SCN9A: variants seen among roughly 807,000 people sequenced by gnomAD.
SCN9A encodes sodium voltage-gated channel alpha subunit 9, also known as sodium channel protein type 9 subunit alpha.
A neutral mutation model predicts 187.0 loss-of-function variants in SCN9A; 131 were observed. The ratio of observed to expected loss-of-function variants is 0.70; its 90% CI spans 0.61 to 0.81. SCN9A has a LOEUF of 0.81. Ranked by LOEUF, SCN9A falls within the 30% of genes least tolerant of loss-of-function variation. SCN9A has a pLI of 0.00. For synonymous variants in SCN9A, 809 were observed against 808.6 expected, an observed-to-expected ratio of 1.00 and a Z score of -0.01; for missense variants, 2,252 against 2,396.6, an observed-to-expected ratio of 0.94 and a Z score of 1.26.
chr2:166,256,228 A>C (rs1696268392), intron 17 of SCN9A, among the ~76,000 whole-genome samples: 1 of 151,370 alleles, frequency 6.6e-6, no homozygotes, highest in African/African-American at 2.4e-5. Context: ...GAGTTTTTAA[A>C]ATTGGAGGTC....
chr2:166,252,614 C>T (rs544197591), intron 17 of SCN9A, among the ~76,000 whole-genome samples: 1 of 151,678 alleles, frequency 6.6e-6, no homozygotes, highest in African/African-American at 2.4e-5. Context: ...AAGTAAGCAC[C>T]ACATGCAAAC....
intron 24 of SCN9A, among the ~76,000 whole-genome samples, chr2:166,207,428 T>TTGTTGTTG (rs1693861894): frequency 6.7e-6 from 1 of 150,058 alleles, no homozygotes; most frequent in African/African-American, 2.5e-5. Context: ...TTAGAGTGTT[T>TTGTTGTTG]TTGTTGTTGT....
chr2:166,265,114 G>A (rs1183725476), intron 17 of SCN9A, among the ~76,000 whole-genome samples: 1 of 151,804 alleles, frequency 6.6e-6, no homozygotes, highest in African/African-American at 2.4e-5. Flanking sequence ...AACACATTAT[G>A]GTTAACTCTA....
rs971476486 is a variant in SCN9A at position 166,284,769 on chromosome 2, C to T, written c.1658G>A (p.Ser553Asn). ...TCCTCTGCCTTTGAAACTAAAAAGA[C>T]TTGTTCTGCTGCTTCGCCTTGCAGA... ...LFSARRSSRT[S>N]LFSFKGRGRD... Residue 553 changes from serine to asparagine, a missense_variant, in exon 12 of 27, where the codon AGT (serine) becomes AAT (asparagine). Ser to Asn is a conservative substitution (Grantham distance 46). Around this residue, in one of 7 missense-constraint regions of SCN9A, gnomAD observed 1,013 missense variants for 997.4 expected, o/e 1.02. Transcript: ENST00000642356. 2.5e-6 allele frequency: 4 copies of T among 1,613,522 alleles called. No homozygotes were observed. Among genetic ancestry groups the T allele is most frequent in the Non-Finnish European group, 3.4e-6 (4 of 1,179,850 alleles).
At position 166,280,511 on chromosome 2, in the gene SCN9A, C is replaced by A. The variant is rs1010654142; in HGVS notation, c.2189G>T (p.Trp730Leu). ...KFLIWNCSPYWIKFKKCIYFI... is the reference protein window; with the variant it reads ...KFLIWNCSPYLIKFKKCIYFI... ...ATAGATACACTTTTTGAATTTTATC[C>A]AATATGGAGAGCAATTCCAGATCAA... is the stretch of plus-strand genomic sequence containing the variant. Residue 730 changes from tryptophan to leucine, a missense_variant, in exon 14 of 27, where the codon TGG (tryptophan) becomes TTG (leucine). By Grantham distance (61) the Trp-to-Leu change is moderately conservative. This residue lies in a region of SCN9A where 1,013 missense variants were observed against 997.4 expected (regional missense o/e 1.02). Coordinates refer to ENST00000642356, the MANE Select transcript of SCN9A (RefSeq NM_001365536.1). 1.3e-6 allele frequency: 2 copies of A among 1,589,324 alleles called. No individual in the cohort carries two copies. Among genetic ancestry groups the A allele is most frequent in the African/African-American group, 2.7e-5 (2 of 74,564 alleles).
At chr2:166,232,805 A>C (rs147845795) in intron 21 of SCN9A, among the ~76,000 whole-genome samples, 3,064 of 148,390 alleles carry the variant, frequency 0.021, 114 homozygotes, top group African/African-American at 0.072. Flanking sequence ...AAATGAAATA[A>C]TATATATACT....
intron 1 of SCN9A, among the ~76,000 whole-genome samples, chr2:166,361,260 T>A (rs1420644362): frequency 2.0e-5 from 3 of 152,180 alleles, no homozygotes; most frequent in African/African-American, 7.2e-5. Flanking sequence ...TGATTTTGTA[T>A]ACCTAAAGCT....
chr2:166,375,725 C>G lies in SCN9A; in HGVS notation c.-79G>C, dbSNP rs755586452. On this transcript the variant is annotated 5_prime_UTR_variant, in exon 1 of 27. Transcript: ENST00000642356. ...CAACCTAGCCCGCCGATCATCCCCACCCAGTGCACCTGCAGAATCTGGCTC... is the reference window on the plus strand; with the variant it reads ...CAACCTAGCCCGCCGATCATCCCCAGCCAGTGCACCTGCAGAATCTGGCTC... 5 of 152,406 alleles carry G rather than the reference C, an allele frequency of 3.3e-5. No homozygotes were observed. Among genetic ancestry groups the G allele is most frequent in the Non-Finnish European group, 7.3e-5 (5 of 68,180 alleles). 9.4% of individuals were successfully genotyped at this position (152,406 alleles called of 1,614,324 possible). A position where few individuals can be genotyped will look rare whatever the true frequency, so the allele number is the denominator to read the frequency against.
At position 166,311,479 on chromosome 2, in the gene SCN9A, T is replaced by C; in HGVS notation, c.258+20A>G. ...AAGGAAGCCAACAGAAACTGACCAC[T>C]GAAGTCAAAATAAACTCACCTTTTT... On this transcript the variant is annotated intron_variant, in intron 2 of 26. Transcript: ENST00000642356. 6.7e-7 allele frequency: 1 copy of C among 1,500,506 alleles called. No homozygotes were observed. The highest frequency in any genetic ancestry group is 2.3e-5 in the East Asian group (1 of 43,658). The allele number at this position is 1,500,506 out of a possible 1,614,324, so 92.9% of individuals were successfully genotyped here.
chr2:166,269,449 G>A (rs1261860517), intron 17 of SCN9A, among the ~76,000 whole-genome samples: 1 of 151,918 alleles, frequency 6.6e-6, no homozygotes, highest in East Asian at 1.9e-4. Flanking sequence ...TGTTTCAAAT[G>A]GACAAAGAGA....
chr2:166,371,356 T>TC (rs1395831435), intron 1 of SCN9A, among the ~76,000 whole-genome samples: 1 of 152,202 alleles, frequency 6.6e-6, no homozygotes, highest in Non-Finnish European at 1.5e-5. Context: ...CCCTCTTCCT[T>TC]CCCCACTTTA....
intron 1 of SCN9A, among the ~76,000 whole-genome samples, chr2:166,362,098 G>C (rs1274663739): frequency 6.6e-6 from 1 of 152,196 alleles, no homozygotes; most frequent in South Asian, 2.1e-4. Context: ...TTTTGATGAA[G>C]ACATTGTTTG....
At chr2:166,277,388 A>G in intron 15 of SCN9A, 49 bp from the exon 16 acceptor site, 1 of 1,265,944 alleles carries the variant, frequency 7.9e-7, no homozygotes, top group Non-Finnish European at 1.1e-6. Flanking sequence ...AAATCTTTTC[A>G]ATGTTTCCAA....
rs1447707685 is a variant in SCN9A at position 166,318,198 on chromosome 2, G to A, written c.-50-6392C>T. On this transcript the variant is annotated intron_variant, in intron 1 of 26. Coordinates refer to ENST00000642356, the MANE Select transcript of SCN9A (RefSeq NM_001365536.1). Reference sequence around the variant, plus strand: ...CCATTTTAGCTAGAACCAGGGTGGAGTCGAGGGAAAGGTGACTCCCTTATC... The same window carrying A: ...CCATTTTAGCTAGAACCAGGGTGGAATCGAGGGAAAGGTGACTCCCTTATC... 3.9e-5 allele frequency among the ~76,000 whole-genome samples: 6 copies of A among 152,052 alleles called. No homozygotes were observed. In the East Asian group the frequency reaches 1.2e-3, roughly 29 times the overall value.
At chr2:166,267,821 A>G (rs1696807104) in intron 17 of SCN9A, among the ~76,000 whole-genome samples, 1 of 151,974 alleles carries the variant, frequency 6.6e-6, no homozygotes, top group Non-Finnish European at 1.5e-5. Context: ...ATCAATTTCC[A>G]TTAGGTTTTC....
chr2:166,238,341 A>C (rs1695413306), intron 19 of SCN9A, 74 bp from the exon 20 acceptor site: 2 of 995,244 alleles, frequency 2.0e-6, no homozygotes, highest in East Asian at 2.6e-5. Context: ...AACAGGAAAA[A>C]TACAATTCTA....
At chr2:166,322,221 GC>G (rs1165763470) in intron 1 of SCN9A, among the ~76,000 whole-genome samples, 1 of 152,008 alleles carries the variant, frequency 6.6e-6, no homozygotes, top group Non-Finnish European at 1.5e-5. Flanking sequence ...TTAATTTGGA[GC>G]TTTTGTAAAA....
intron 1 of SCN9A, among the ~76,000 whole-genome samples, chr2:166,356,567 C>G (rs187396655): frequency 6.6e-6 from 1 of 152,074 alleles, no homozygotes; most frequent in African/African-American, 2.4e-5. Context: ...GTATGTATAA[C>G]GAAAAATAAT....
At chr2:166,239,947 T>A (rs555754415) in intron 19 of SCN9A, among the ~76,000 whole-genome samples, 1 of 152,332 alleles carries the variant, frequency 6.6e-6, no homozygotes, top group African/African-American at 2.4e-5. Flanking sequence ...GAGCTCTATC[T>A]GATTTAGGAC....
Sources: allele counts gnomAD v4.1 joint callset (sites outside exome capture counted in the v4.1 genomes callset), GRCh38; gene constraint gnomAD v4.1.1; regional missense constraint gnomAD v4.1.1; transcripts MANE v1.5; gene names NCBI Gene and HGNC (gene_info 2026-07-23, HGNC 2026-07-21).